The following SAMD3 variants were observed in gnomAD, a reference collection of about 807,000 sequenced individuals.
SAMD3 encodes sterile alpha motif domain containing 3.
In SAMD3, 63 loss-of-function variants were observed where a neutral mutation model predicts 58.5. The ratio of observed to expected loss-of-function variants is 1.08; its 90% CI spans 0.88 to 1.33. The LOEUF is 1.33. Ranked by LOEUF, SAMD3 falls within the 40% of genes most tolerant of loss-of-function variation. The pLI is 0.00. For missense variants in SAMD3, 604 were observed against 608.4 expected (o/e 0.99, Z 0.08); for synonymous variants, 220 against 210.3 (o/e 1.05, Z -0.40).
intron 1 of SAMD3, among the ~76,000 whole-genome samples, chr6:130,341,768 T>G (rs185333601): frequency 6.6e-6 from 1 of 152,320 alleles, no homozygotes; most frequent in African/African-American, 2.4e-5. Context: ...CATGATCTTT[T>G]GAGGCCTTTT....
upstream of SAMD3, among the ~76,000 whole-genome samples, chr6:130,224,079 T>C (rs1366053528): frequency 6.6e-6 from 1 of 152,026 alleles, no homozygotes; most frequent in Non-Finnish European, 1.5e-5. Flanking sequence ...GAAGGCGGTC[T>C]TCCCCTGGAG....
upstream of SAMD3, among the ~76,000 whole-genome samples, chr6:130,224,807 A>T (rs1391442049): frequency 6.6e-6 from 1 of 151,490 alleles, no homozygotes; most frequent in Non-Finnish European, 1.5e-5. Context: ...TTTAGTAGAG[A>T]TGGGGTTTCA....
At chr6:130,228,229 C>A (rs6569669) in intron 2 of SAMD3, among the ~76,000 whole-genome samples, 34,693 of 152,134 alleles carry the variant, frequency 0.23, 8,746 homozygotes, top group African/African-American at 0.63. Flanking sequence ...ACAGTGGTGA[C>A]CTCCAGTCTG....
At chr6:130,180,201 G>C (rs1342560268) in intron 7 of SAMD3, among the ~76,000 whole-genome samples, 1 of 151,010 alleles carries the variant, frequency 6.6e-6, no homozygotes, top group African/African-American at 2.4e-5. Context: ...GCTCACTGCT[G>C]TCTCAACCTC....
At chr6:130,153,452 G>T (rs1932106) in intron 9 of SAMD3, among the ~76,000 whole-genome samples, 88,933 of 151,304 alleles carry the variant, frequency 0.59, 26,510 homozygotes, top group East Asian at 0.83. Context: ...AGAAAAATAT[G>T]TAGATGTTTC....
At chr6:130,310,131 T>A (rs1776095110) in intron 2 of SAMD3, among the ~76,000 whole-genome samples, 2 of 152,216 alleles carry the variant, frequency 1.3e-5, no homozygotes. Flanking sequence ...TAGAGAATAA[T>A]ATTCTCCCAG....
intron 5 of SAMD3, among the ~76,000 whole-genome samples, chr6:130,191,624 C>CTTTT (rs5880007): frequency 1.4e-5 from 2 of 144,186 alleles, no homozygotes; most frequent in African/African-American, 2.6e-5. Context: ...TGCTTCCTTC[C>CTTTT]TTTTTTTTTT....
intron 6 of SAMD3, 59 bp from the exon 7 acceptor site, chr6:130,184,246 A>AAG: frequency 7.2e-7 from 1 of 1,388,284 alleles, no homozygotes; most frequent in East Asian, 2.3e-5. Context: ...TCCTTCCTTT[A>AAG]AGATGAGTCT....
chr6:130,300,421 A>G (rs1327520054), intron 2 of SAMD3, among the ~76,000 whole-genome samples: 1 of 152,222 alleles, frequency 6.6e-6, no homozygotes, highest in Non-Finnish European at 1.5e-5. Flanking sequence ...CTTCATGATA[A>G]AAACCCTCAA....
intron 7 of SAMD3, among the ~76,000 whole-genome samples, chr6:130,179,967 A>T (rs922598741): frequency 6.6e-6 from 1 of 151,908 alleles, no homozygotes; most frequent in Admixed American, 6.6e-5. Flanking sequence ...GTTACCTGCC[A>T]CCATGCCCAG....
chr6:130,346,027 C>T (rs1777438278), intron 1 of SAMD3, among the ~76,000 whole-genome samples: 1 of 152,184 alleles, frequency 6.6e-6, no homozygotes, highest in South Asian at 2.1e-4. Context: ...TATCTTTTTG[C>T]AATATGCAGC....
At chr6:130,157,974 A>C (rs1447274733) in intron 8 of SAMD3, among the ~76,000 whole-genome samples, 1 of 151,878 alleles carries the variant, frequency 6.6e-6, no homozygotes, top group Admixed American at 6.6e-5. Flanking sequence ...TGCAAAAAAA[A>C]CCTTATAAGA....
intron 9 of SAMD3, among the ~76,000 whole-genome samples, chr6:130,150,697 A>T (rs1582716177): frequency 6.7e-6 from 1 of 148,484 alleles, no homozygotes. Flanking sequence ...GGGTCTCTAC[A>T]CACTGGGCCA....
chr6:130,215,608 T>A, intron 2 of SAMD3: 2 of 1,391,618 alleles, frequency 1.4e-6, no homozygotes, highest in Non-Finnish European at 1.9e-6. Context: ...TGGTACCCAA[T>A]CCTGTACCAT....
intron 1 of SAMD3, among the ~76,000 whole-genome samples, chr6:130,314,655 T>C (rs1776299406): frequency 6.6e-6 from 1 of 152,238 alleles, no homozygotes; most frequent in African/African-American, 2.4e-5. Flanking sequence ...TTGAATTGAA[T>C]TTAATTTCAA....
chr6:130,359,176 A>G (rs1241647365), intron 1 of SAMD3, among the ~76,000 whole-genome samples: 35 of 152,248 alleles, frequency 2.3e-4, no homozygotes, highest in Admixed American at 2.3e-3. Flanking sequence ...ATTTCATAGT[A>G]AGTACTGTAT....
intron 5 of SAMD3, among the ~76,000 whole-genome samples, chr6:130,200,841 A>G (rs1188592765): frequency 1.3e-5 from 2 of 152,120 alleles, no homozygotes; most frequent in African/African-American, 2.4e-5. Context: ...TAATATGGAA[A>G]AGAGTGTGAA....
intron 2 of SAMD3, among the ~76,000 whole-genome samples, chr6:130,247,009 A>G (rs1001851300): frequency 3.3e-5 from 5 of 152,242 alleles, no homozygotes; most frequent in African/African-American, 9.6e-5. Context: ...CCAGATTATT[A>G]TTTCTAAATA....
At chr6:130,270,208 C>T (rs555758474) in intron 2 of SAMD3, among the ~76,000 whole-genome samples, 1 of 152,250 alleles carries the variant, frequency 6.6e-6, no homozygotes, top group African/African-American at 2.4e-5. Context: ...TTTTGTGCCT[C>T]AGCCTCCAGA....
Sources: gnomAD v4.1 joint callset for allele counts (sites outside exome capture counted in the v4.1 genomes callset) on GRCh38, gnomAD v4.1.1 for gene constraint, MANE v1.5 for transcripts, NCBI Gene and HGNC (gene_info 2026-07-23, HGNC 2026-07-21) for gene names.